Variants in LILRB2 observed in about 807,000 individuals in gnomAD.
LILRB2 encodes leukocyte immunoglobulin like receptor B2.
A neutral mutation model predicts 72.7 loss-of-function variants in LILRB2; 47 were observed. The observed-to-expected ratio is 0.65, with a 90% CI of 0.51 to 0.82. LILRB2 has a LOEUF of 0.82. LILRB2 is among the 40% of genes least tolerant of loss of function. The pLI is 0.00. For missense variants in LILRB2, 767 were observed against 764.8 expected (o/e 1.00, Z -0.03); for synonymous variants, 279 against 313.7 (o/e 0.89, Z 1.17).
chr19:54,279,074 C>G lies in LILRB2; in HGVS notation c.693G>C (p.Pro231=), dbSNP rs141840014. Residue 231 remains proline (P), a synonymous_variant, in exon 6 of 14, where the codon CCG becomes CCC. Coordinates refer to ENST00000314446, the MANE Select transcript of LILRB2 (RefSeq NM_001080978.4). ...TTTCCCCAGGGGCCATGACAGGACC[C>G]GGCTGCACTGAGAGTGATGGCTTCT... The part of the protein sequence containing the change: ...VSKKPSLSVQ[P]GPVMAPGESL... 6.2e-7 allele frequency: 1 copy of G among 1,614,092 alleles called. No homozygotes were observed. The highest frequency in any genetic ancestry group is 1.1e-5 in the South Asian group (1 of 91,086).
chr19:54,274,817 C>T lies in LILRB2; in HGVS notation c.1660G>A (p.Glu554Lys). Residue 554 changes from glutamate to lysine, a missense_variant, in exon 14 of 14, where the codon GAA (glutamate) becomes AAA (lysine). By Grantham distance (56) the Glu-to-Lys change is moderately conservative. Transcript: ENST00000314446. ...GCGTAGGTCACATCCTGGGGGGCTT[C>T]AGATGCAGCAGCCTGCAGCGGGGGA... Reference protein sequence around the residue: ...VEMDTRAAASEAPQDVTYAQL... With the variant: ...VEMDTRAAASKAPQDVTYAQL... 6.2e-7 allele frequency: 1 copy of T among 1,603,652 alleles called. No individual in the cohort carries two copies. Among genetic ancestry groups the T allele is most frequent in the South Asian group, 1.1e-5 (1 of 90,786 alleles).
In LILRB2 at chr19:54,278,990, C is replaced by A. The variant is rs368937832; in HGVS notation, c.777G>T (p.Glu259Asp). The change falls in exon 6 of 14, where the codon GAG becomes GAT. Residue 259 changes from glutamate (E) to aspartate (D), a missense_variant. Transcript: ENST00000314446. ...GGAGCTGGCGAAGGTCACGTTCCCCCTCCTTGTACAGAACAAATCTGTCAT... is the reference window on the plus strand; with the variant it reads ...GGAGCTGGCGAAGGTCACGTTCCCCATCCTTGTACAGAACAAATCTGTCAT... ...VGYDRFVLYKEGERDLRQLPG... is the reference protein window; with the variant it reads ...VGYDRFVLYKDGERDLRQLPG... 2.5e-6 allele frequency: 4 copies of A among 1,613,920 alleles called. No individual in the cohort carries two copies. The highest frequency in any genetic ancestry group is 3.4e-6 in the Non-Finnish European group (4 of 1,179,940).
intron 13 of LILRB2, 125 bp from the exon 14 acceptor site, chr19:54,274,954 T>C (rs2080153509): frequency 6.2e-7 from 1 of 1,610,346 alleles, no homozygotes; most frequent in Admixed American, 1.7e-5. Flanking sequence ...GTCCTTTGTG[T>C]CCAGGAATTC....
intron 13 of LILRB2, chr19:54,275,717 A>G (rs998307581): frequency 1.5e-6 from 1 of 670,570 alleles, no homozygotes; most frequent in African/African-American, 1.8e-5. Flanking sequence ...GCGCTCTAAC[A>G]ACCAGACGGC....
At position 54,281,091 on chromosome 19, in the gene LILRB2, T is replaced by C. The variant is rs1848502226; in HGVS notation, c.-179A>G. On this transcript the variant is annotated 5_prime_UTR_variant, in exon 1 of 14. Coordinates refer to ENST00000314446, the MANE Select transcript of LILRB2 (RefSeq NM_001080978.4). ...GTCCAGGTTGAGCTGTGTGTGGCAG[T>C]GAGCACAGAGGAGAAATGCAGGGAA... 1 of 435,912 alleles carries C rather than the reference T, an allele frequency of 2.3e-6. No homozygotes were observed. Among genetic ancestry groups the C allele is most frequent in the Middle Eastern group, 4.3e-4 (1 of 2,338 alleles). The allele number at this position is 435,912 out of a possible 1,614,324, so 27.0% of individuals were successfully genotyped here. A position where few individuals can be genotyped will look rare whatever the true frequency, so the allele number is the denominator to read the frequency against.
rs940811504 is a variant in LILRB2 at position 54,274,134 on chromosome 19, A to G, written c.*549T>C. 6.4e-5 allele frequency: 10 copies of G among 155,530 alleles called. No homozygotes were observed. Among genetic ancestry groups the G allele is most frequent in the African/African-American group, 2.2e-4 (9 of 41,558 alleles). The allele number at this position is 155,530 out of a possible 1,614,324, so 9.6% of individuals were successfully genotyped here. A position where few individuals can be genotyped will look rare whatever the true frequency, so the allele number is the denominator to read the frequency against. ...GCTCTTTCTTTCTCTTGCTCAATGT[A>G]GTTAGGATTTATGACTGTAATTAAT... is the stretch of plus-strand genomic sequence containing the variant. On this transcript the variant is annotated 3_prime_UTR_variant, in exon 14 of 14. Coordinates refer to ENST00000314446, the MANE Select transcript of LILRB2 (RefSeq NM_001080978.4).
chr19:54,274,625 T>C lies in LILRB2; in HGVS notation c.*58A>G, dbSNP rs2080129278. On this transcript the variant is annotated 3_prime_UTR_variant, in exon 14 of 14. Coordinates refer to ENST00000314446, the MANE Select transcript of LILRB2 (RefSeq NM_001080978.4). ...TGGTGTCCACTGGGGGCAGCTCCCG[T>C]GCCTTCAGCAGTCCTGAGTCTCCTT... is the stretch of plus-strand genomic sequence containing the variant. 1.9e-6 allele frequency: 3 copies of C among 1,612,348 alleles called. No individual in the cohort carries two copies. The highest frequency in any genetic ancestry group is 1.7e-5 in the Admixed American group (1 of 59,970).
chr19:54,275,684 C>T (rs568212812), intron 13 of LILRB2: 1 of 607,292 alleles, frequency 1.6e-6, no homozygotes, highest in Admixed American at 2.2e-5. Context: ...TCATTTATTC[C>T]TCATCCTCCA....
At chr19:54,274,905 T>A in intron 13 of LILRB2, 76 bp from the exon 14 acceptor site, 1 of 1,607,034 alleles carries the variant, frequency 6.2e-7, no homozygotes. Flanking sequence ...AGGAAAGGAC[T>A]CTCTCAGTGT....
chr19:54,277,710 C>A (rs2080309120), intron 8 of LILRB2, 113 bp from the exon 9 acceptor site: 2 of 1,384,070 alleles, frequency 1.4e-6, no homozygotes, highest in Non-Finnish European at 9.9e-7. Context: ...TGACCCCCCA[C>A]CCCTCACCAG....
chr19:54,275,837 G>A, intron 13 of LILRB2, 114 bp downstream of exon 13: 2 of 1,356,660 alleles, frequency 1.5e-6, no homozygotes, highest in Non-Finnish European at 2.1e-6. Context: ...GCTGGACAAG[G>A]AGGGGTCCAC....
In LILRB2 at chr19:54,278,448, G is replaced by C. The variant is rs779215023; in HGVS notation, c.1070C>G (p.Thr357Ser). 1.9e-6 allele frequency: 3 copies of C among 1,614,072 alleles called. No homozygotes were observed. Among genetic ancestry groups the C allele is most frequent in the Admixed American group, 1.7e-5 (1 of 60,004 alleles). ...SWRQFHTFLL[T>S]KAGAADAPLR... is the part of the protein sequence containing the mutation. ...TGGGGCATCAGCTGCTCCCGCCTTG[G>C]TCAGAAGGAAAGTGTGGAACTGCCG... is the stretch of plus-strand genomic sequence containing the variant. The change falls in exon 7 of 14, where the codon ACC becomes AGC. Residue 357 changes from threonine to serine, a missense_variant. Thr to Ser is a moderately conservative substitution (Grantham distance 58, BLOSUM62 1). Around this residue, in one of 3 missense-constraint regions of LILRB2, gnomAD observed 599 missense variants for 568.2 expected, o/e 1.05. Transcript: ENST00000314446.
In LILRB2 at chr19:54,279,618, G is replaced by C. The variant is rs1296832648; in HGVS notation, c.385C>G (p.Gln129Glu). ...CCTGAGGTCACCACAGGGCTGGGCT[G>C]GGCTGAGAGGGTGGGTTTTGGGTAG... Reference protein sequence around the residue: ...GAYPKPTLSAQPSPVVTSGGR... With the variant: ...GAYPKPTLSAEPSPVVTSGGR... The change falls in exon 5 of 14, where the codon CAG becomes GAG. Residue 129 changes from glutamine (Q) to glutamate (E), a missense_variant. Around this residue, in one of 3 missense-constraint regions of LILRB2, gnomAD observed 599 missense variants for 568.2 expected, o/e 1.05. Coordinates refer to ENST00000314446, the MANE Select transcript of LILRB2 (RefSeq NM_001080978.4). The C allele has an allele frequency of 1.2e-6, 2 of 1,613,862 alleles. No homozygotes were observed. Among genetic ancestry groups the C allele is most frequent in the Admixed American group, 1.7e-5 (1 of 60,002 alleles).
Position 54,278,732 on chromosome 19 carries a change from C to T in LILRB2, c.955+80G>A, listed in dbSNP as rs1301023402. On this transcript the variant is annotated intron_variant, in intron 6 of 13. Coordinates refer to ENST00000314446, the MANE Select transcript of LILRB2 (RefSeq NM_001080978.4). ...CCCTTGGGACCACCCCCCGCCTCAT[C>T]CTGGCCATCACTAATTGGATTCCCC... 5.2e-6 allele frequency: 8 copies of T among 1,532,558 alleles called. 1 individual carries two copies. The highest frequency in any genetic ancestry group is 2.8e-5 in the African/African-American group (2 of 72,040). The allele number at this position is 1,532,558 out of a possible 1,614,324, so 94.9% of individuals were successfully genotyped here. A position where few individuals can be genotyped will look rare whatever the true frequency, so the allele number is the denominator to read the frequency against.
At chr19:54,280,121 C>G in intron 3 of LILRB2, 46 bp from the exon 4 acceptor site, 1 of 1,610,320 alleles carries the variant, frequency 6.2e-7, no homozygotes, top group South Asian at 1.1e-5. Flanking sequence ...TCCCACCCAA[C>G]AGATCTCAGC....
rs1178785149 is a variant in LILRB2 at position 54,280,464 on chromosome 19, G to A, written c.33C>T (p.Leu11=). Residue 11 remains leucine (L), a splice_region_variant and synonymous_variant, in exon 2 of 14, where the codon CTC becomes CTT. Transcript: ENST00000314446. MTPIVTVLIC[L]GLSLGPRTRV... is the part of the protein sequence containing the mutation. ...CTCCCCTCTCTCTTCAAATCTCACC[G>A]AGACAGATCAGGACTGTGACGATGG... 13 of 1,613,840 alleles carry A rather than the reference G, an allele frequency of 8.1e-6. No individual in the cohort carries two copies. Among genetic ancestry groups the A allele is most frequent in the South Asian group, 4.4e-5 (4 of 91,076 alleles).
intron 13 of LILRB2, chr19:54,275,075 A>T: frequency 6.2e-7 from 1 of 1,605,200 alleles, no homozygotes; most frequent in Non-Finnish European, 8.5e-7. Flanking sequence ...TGCTGGAGAG[A>T]GACAGTGGTG....
Position 54,279,489 on chromosome 19 carries a change from G to A in LILRB2, c.514C>T (p.His172Tyr), listed in dbSNP as rs555439345. 9 of 1,614,164 alleles carry A rather than the reference G, an allele frequency of 5.6e-6. No homozygotes were observed. The African/African-American group carries it at 8.0e-5, about 14-fold the overall frequency. The change falls in exon 5 of 14, where the codon CAT becomes TAT. Residue 172 changes from histidine to tyrosine, a missense_variant. Physicochemically the swap from His to Tyr is moderately conservative, Grantham distance 83 (BLOSUM62 2). This residue lies in a region of LILRB2 where 599 missense variants were observed against 568.2 expected (regional missense o/e 1.05). Coordinates refer to ENST00000314446, the MANE Select transcript of LILRB2 (RefSeq NM_001080978.4). ...EHPQCLNSQP[H>Y]ARGSSRAIFS... ...ATGGCGCGGGACGACCCACGGGCAT[G>A]GGGCTGGGAGTTCAGGCATTGTGGG...
intron 9 of LILRB2, chr19:54,277,349 A>G: frequency 8.4e-7 from 1 of 1,195,248 alleles, no homozygotes; most frequent in Non-Finnish European, 1.2e-6. Context: ...CTCCTCTCCC[A>G]GGAGGTCACA....
Sources: allele counts gnomAD v4.1 joint callset, GRCh38; gene constraint gnomAD v4.1.1; regional missense constraint gnomAD v4.1.1; transcripts MANE v1.5; gene names NCBI Gene and HGNC (gene_info 2026-07-23, HGNC 2026-07-21).